The following ERC2 variants were observed in gnomAD, a reference collection of about 807,000 sequenced individuals.
The protein encoded by ERC2 is ERC protein 2.
Under a neutral mutation model 114.8 loss-of-function variants are expected in ERC2, and 42 were observed. The observed-to-expected ratio is 0.37, with a 90% CI of 0.29 to 0.47. The LOEUF (loss-of-function observed/expected upper bound fraction) is 0.47. Among genes scored for constraint, ERC2 ranks in the 20% least tolerant of loss-of-function variants. ERC2 has a pLI of 0.99. For synonymous variants in ERC2, 454 were observed against 425.5 expected, an observed-to-expected ratio of 1.07 and a Z score of -0.82; for missense variants, 939 against 1,150.7, an observed-to-expected ratio of 0.82 and a Z score of 2.66.
chr3:55,537,778 G>A (rs1446670631), intron 17 of ERC2, among the ~76,000 whole-genome samples: 3 of 150,140 alleles, frequency 2.0e-5, no homozygotes, highest in African/African-American at 7.6e-5. Context: ...GAGGACACAG[G>A]TCATGAGGAC....
At position 55,848,129 on chromosome 3, in the gene ERC2, G is replaced by A. The variant is rs987538509; in HGVS notation, c.2564+40260C>T. Among the ~76,000 whole-genome samples the A allele has an allele frequency of 1.2e-4, 18 of 151,976 alleles. No homozygotes were observed. In the South Asian group the frequency reaches 2.1e-3, roughly 18 times the overall value. ...TTATCACTTTGAAAAAAAACAAAAC[G>A]TAACCAAAAATAACAAAACTAAGTA... is the stretch of plus-strand genomic sequence containing the variant. On this transcript the variant is annotated intron_variant, in intron 14 of 17. Coordinates refer to ENST00000288221, the MANE Select transcript of ERC2 (RefSeq NM_015576.3).
intron 10 of ERC2, chr3:56,003,069 T>C (rs1292062462): frequency 1.6e-6 from 2 of 1,286,992 alleles, no homozygotes; most frequent in South Asian, 2.5e-5. Context: ...CTTTGATATG[T>C]TACAGCGGGA....
chr3:56,007,089 GGGTTTGTT>G, intron 10 of ERC2, 84 bp downstream of exon 10: 1 of 1,113,816 alleles, frequency 9.0e-7, no homozygotes, highest in Non-Finnish European at 1.3e-6. Context: ...AACAGATAAG[GGGTTTGTT>G]TCTTTTTAAA....
chr3:56,279,608 G>C (rs997291712), intron 3 of ERC2, among the ~76,000 whole-genome samples: 51 of 152,208 alleles, frequency 3.4e-4, no homozygotes, highest in African/African-American at 1.2e-3. Flanking sequence ...TAGGTGATAA[G>C]GTGGAAAAAT....
At chr3:55,618,863 A>G (rs1421859982) in intron 17 of ERC2, among the ~76,000 whole-genome samples, 2 of 152,244 alleles carry the variant, frequency 1.3e-5, no homozygotes, top group Non-Finnish European at 2.9e-5. Flanking sequence ...GATCAACAGG[A>G]AAAGCTGAAA....
chr3:55,982,568 TTGTTATCAACCTA>T (rs72383085), intron 12 of ERC2, among the ~76,000 whole-genome samples: 47,473 of 151,854 alleles, frequency 0.31, 8,366 homozygotes, highest in Middle Eastern at 0.4. Flanking sequence ...ATTATTATTA[TTGTTATCAACCTA>T]TGTCATGAAT....
At chr3:56,019,083 C>A in intron 7 of ERC2, 52 bp from the exon 8 acceptor site, 5 of 1,390,528 alleles carry the variant, frequency 3.6e-6, no homozygotes, top group East Asian at 2.5e-5. Flanking sequence ...TATCCTAGGC[C>A]AAAATTCCTG....
At chr3:55,835,019 C>G (rs1178352192) in intron 14 of ERC2, among the ~76,000 whole-genome samples, 1 of 151,342 alleles carries the variant, frequency 6.6e-6, no homozygotes, top group Non-Finnish European at 1.5e-5. Flanking sequence ...ATAAATTCCT[C>G]GACACATACA....
At chr3:55,573,381 A>T (rs2056820959) in intron 17 of ERC2, among the ~76,000 whole-genome samples, 1 of 152,196 alleles carries the variant, frequency 6.6e-6, no homozygotes, top group Admixed American at 6.5e-5. Flanking sequence ...AATGTTAGCC[A>T]GCCATTTGAT....
chr3:55,633,235 C>A (rs1028245497), intron 17 of ERC2, among the ~76,000 whole-genome samples: 2 of 152,192 alleles, frequency 1.3e-5, no homozygotes, highest in Non-Finnish European at 2.9e-5. Context: ...CCTAGGAACA[C>A]CCCCAGCAAC....
Position 56,296,314 on chromosome 3 carries a change from T to C in ERC2, c.779A>G (p.Glu260Gly). 6.2e-7 allele frequency: 1 copy of C among 1,614,036 alleles called. No homozygotes were observed. The highest frequency in any genetic ancestry group is 8.5e-7 in the Non-Finnish European group (1 of 1,179,902). Reference sequence around the variant, plus strand: ...GGCTTGGAGCCGCCTAAAGTTCTCCTCGGTCAGCTCGATGGTGAAGTGCTC... The same window carrying C: ...GGCTTGGAGCCGCCTAAAGTTCTCCCCGGTCAGCTCGATGGTGAAGTGCTC... The part of the protein sequence containing the change: ...GAEHFTIELT[E>G]ENFRRLQAEH... The change falls in exon 3 of 18, where the codon GAG becomes GGG. Residue 260 changes from glutamate to glycine, a missense_variant. Coordinates refer to ENST00000288221, the MANE Select transcript of ERC2 (RefSeq NM_015576.3).
At chr3:55,912,862 CA>C (rs2064888816) in intron 13 of ERC2, among the ~76,000 whole-genome samples, 1 of 152,188 alleles carries the variant, frequency 6.6e-6, no homozygotes, top group Non-Finnish European at 1.5e-5. Context: ...ATCACAAGCA[CA>C]AACCCAGGAC....
chr3:55,576,164 A>G (rs950738587), intron 17 of ERC2, among the ~76,000 whole-genome samples: 1 of 152,058 alleles, frequency 6.6e-6, no homozygotes, highest in African/African-American at 2.4e-5. Context: ...AAAAAAAATT[A>G]TCCAGGCATG....
chr3:55,815,680 G>C (rs2059880019), intron 14 of ERC2, among the ~76,000 whole-genome samples: 1 of 152,166 alleles, frequency 6.6e-6, no homozygotes, highest in Admixed American at 6.5e-5. Context: ...GATATTTTAA[G>C]CTGCCACCTC....
At chr3:56,087,940 A>C (rs2077590260) in intron 6 of ERC2, among the ~76,000 whole-genome samples, 1 of 152,148 alleles carries the variant, frequency 6.6e-6, no homozygotes, top group Admixed American at 6.5e-5. Context: ...CTAAAATCTA[A>C]AACTTGCTTG....
chr3:56,217,346 A>G (rs1291176098), intron 3 of ERC2, among the ~76,000 whole-genome samples: 11 of 152,206 alleles, frequency 7.2e-5, no homozygotes, highest in Non-Finnish European at 1.2e-4. Flanking sequence ...TACACCAATA[A>G]CAGACAAACA....
chr3:55,546,181 G>C (rs2107376286), intron 17 of ERC2, among the ~76,000 whole-genome samples: 1 of 152,252 alleles, frequency 6.6e-6, no homozygotes, highest in African/African-American at 2.4e-5. Flanking sequence ...CTACCCAGGA[G>C]GCAGAGGCTC....
At chr3:56,123,742 C>CCCATTG (rs2079718673) in intron 6 of ERC2, among the ~76,000 whole-genome samples, 2 of 152,156 alleles carry the variant, frequency 1.3e-5, no homozygotes, top group African/African-American at 4.8e-5. Flanking sequence ...GCTTAAATAC[C>CCCATTG]TCCTGTGGCT....
intron 6 of ERC2, among the ~76,000 whole-genome samples, chr3:56,111,652 A>C (rs1281932568): frequency 1.3e-5 from 2 of 152,176 alleles, no homozygotes; most frequent in South Asian, 4.1e-4. Flanking sequence ...CCAGGGAGAA[A>C]ACGAAGATGA....
Sources: allele counts gnomAD v4.1 joint callset (sites outside exome capture counted in the v4.1 genomes callset), GRCh38; gene constraint gnomAD v4.1.1; transcripts MANE v1.5; gene names NCBI Gene and HGNC (gene_info 2026-07-23, HGNC 2026-07-21).